The following KCNT2 variants were observed in gnomAD, a reference collection of about 807,000 sequenced individuals.
KCNT2 encodes the protein potassium channel subfamily T member 2.
In KCNT2, 67 loss-of-function variants were observed where a neutral mutation model predicts 153.8. That is an observed-to-expected ratio of 0.44 (90% CI 0.36 to 0.53). The LOEUF is 0.53. Among genes scored for constraint, KCNT2 ranks in the 20% least tolerant of loss-of-function variants. The probability of loss-of-function intolerance (pLI) is 0.00; values close to 1 mark genes in which losing one functional copy is unlikely to be tolerated. For missense variants in KCNT2, 975 were observed against 1,354.8 expected, an observed-to-expected ratio of 0.72 and a Z score of 4.40; for synonymous variants, 500 against 458.8, an observed-to-expected ratio of 1.09 and a Z score of -1.15.
intron 13 of KCNT2, among the ~76,000 whole-genome samples, chr1:196,379,295 G>A (rs113176561): frequency 0.031 from 4,740 of 152,112 alleles, 239 homozygotes; most frequent in African/African-American, 0.11. Context: ...ATGTGGCAGG[G>A]TGTGGTGGTT....
chr1:196,393,841 C>T (rs1369959126), intron 13 of KCNT2, among the ~76,000 whole-genome samples: 1 of 151,408 alleles, frequency 6.6e-6, no homozygotes, highest in Non-Finnish European at 1.5e-5. Context: ...CCTAGAGAAG[C>T]TTTACTAGAA....
At chr1:196,366,759 T>C (rs978437977) in intron 14 of KCNT2, among the ~76,000 whole-genome samples, 13 of 152,148 alleles carry the variant, frequency 8.5e-5, no homozygotes, top group African/African-American at 3.1e-4. Flanking sequence ...TTATTTTGTC[T>C]CTCCAATTAG....
chr1:196,312,804 A>G (rs1376371112), intron 21 of KCNT2, among the ~76,000 whole-genome samples: 1 of 151,766 alleles, frequency 6.6e-6, no homozygotes, highest in African/African-American at 2.4e-5. Context: ...TAATTAATGT[A>G]TAAGAATTTA....
intron 13 of KCNT2, among the ~76,000 whole-genome samples, chr1:196,396,090 T>C (rs1259703705): frequency 6.6e-6 from 1 of 151,648 alleles, no homozygotes; most frequent in Non-Finnish European, 1.5e-5. Context: ...TCTGCATGAT[T>C]CCTTGGGTTG....
In KCNT2 at chr1:196,326,897, A is replaced by G; in HGVS notation, c.2104-8T>C. 6.6e-7 allele frequency: 1 copy of G among 1,523,382 alleles called. No individual in the cohort carries two copies. Among genetic ancestry groups the G allele is most frequent in the Non-Finnish European group, 8.8e-7 (1 of 1,136,312 alleles). 94.4% of individuals were successfully genotyped at this position (1,523,382 alleles called of 1,614,324 possible). A position where few individuals can be genotyped will look rare whatever the true frequency, so the allele number is the denominator to read the frequency against. ...GTAGTTATGTTGGCAACTCTAGAGAAGAGAAAGTATACATTGAAATGCCAT... is the reference window on the plus strand; with the variant it reads ...GTAGTTATGTTGGCAACTCTAGAGAGGAGAAAGTATACATTGAAATGCCAT... On this transcript the variant is annotated splice_polypyrimidine_tract_variant and splice_region_variant and intron_variant, in intron 18 of 27. Transcript: ENST00000294725.
At chr1:196,484,231 G>T (rs1171874027) in intron 3 of KCNT2, among the ~76,000 whole-genome samples, 1 of 151,948 alleles carries the variant, frequency 6.6e-6, no homozygotes, top group African/African-American at 2.4e-5. Flanking sequence ...GGCATGAGAT[G>T]GTATCTCACT....
chr1:196,297,921 A>G (rs1386236032), intron 22 of KCNT2, among the ~76,000 whole-genome samples: 6 of 152,214 alleles, frequency 3.9e-5, no homozygotes, highest in African/African-American at 1.4e-4. Context: ...CCTAGAATTC[A>G]GCAAGGCATT....
chr1:196,309,600 A>G (rs1004526015), intron 21 of KCNT2, among the ~76,000 whole-genome samples: 1 of 151,914 alleles, frequency 6.6e-6, no homozygotes, highest in Non-Finnish European at 1.5e-5. Context: ...CCTAGTGAAA[A>G]ATCTAGAACT....
chr1:196,418,276 G>C (rs996857579), intron 12 of KCNT2, among the ~76,000 whole-genome samples: 2 of 151,964 alleles, frequency 1.3e-5, no homozygotes, highest in African/African-American at 4.8e-5. Context: ...GGAAGTTCAA[G>C]ACCAGCCTGA....
At chr1:196,433,433 C>A (rs952017488) in intron 8 of KCNT2, among the ~76,000 whole-genome samples, 1 of 152,094 alleles carries the variant, frequency 6.6e-6, no homozygotes, top group East Asian at 1.9e-4. Flanking sequence ...GAAGAGCCAG[C>A]AAATTAGTGG....
At chr1:196,230,536 T>C (rs1387360025) in intron 27 of KCNT2, among the ~76,000 whole-genome samples, 3 of 151,976 alleles carry the variant, frequency 2.0e-5, no homozygotes, top group Admixed American at 2.0e-4. Context: ...GTAATTTCAA[T>C]GTTCATGATT....
At chr1:196,458,851 C>A (rs886657585) in intron 8 of KCNT2, among the ~76,000 whole-genome samples, 4 of 151,906 alleles carry the variant, frequency 2.6e-5, no homozygotes, top group Non-Finnish European at 4.4e-5. Context: ...AATCTCATTG[C>A]TGTGCACAGT....
intron 23 of KCNT2, among the ~76,000 whole-genome samples, chr1:196,284,252 T>A (rs868629841): frequency 0.089 from 1,604 of 17,950 alleles, 97 homozygotes; most frequent in African/African-American, 0.11. Flanking sequence ...AAAAAAAATA[T>A]ATATATATAT....
chr1:196,246,067 C>T (rs1257526039), intron 26 of KCNT2, among the ~76,000 whole-genome samples: 4 of 151,822 alleles, frequency 2.6e-5, no homozygotes, highest in Non-Finnish European at 4.4e-5. Context: ...TGCAAAAGAT[C>T]GAGAATAAAG....
intron 8 of KCNT2, among the ~76,000 whole-genome samples, chr1:196,435,120 C>A (rs1343849356): frequency 1.3e-5 from 1 of 77,492 alleles, no homozygotes; most frequent in Non-Finnish European, 2.6e-5. Context: ...GCAATAGATA[C>A]TTATGTGTGT....
At chr1:196,266,221 G>A (rs564157) in intron 25 of KCNT2, among the ~76,000 whole-genome samples, 1 of 151,956 alleles carries the variant, frequency 6.6e-6, no homozygotes, top group Non-Finnish European at 1.5e-5. Context: ...TTCCTGAGAC[G>A]CACCCATTGG....
intron 8 of KCNT2, among the ~76,000 whole-genome samples, chr1:196,457,073 C>T (rs1037894939): frequency 2.0e-5 from 3 of 151,922 alleles, no homozygotes; most frequent in Admixed American, 1.3e-4. Flanking sequence ...TACACCCAAA[C>T]TTTGTATTCC....
intron 8 of KCNT2, among the ~76,000 whole-genome samples, chr1:196,454,506 T>C (rs549526505): frequency 7.2e-5 from 11 of 152,112 alleles, no homozygotes; most frequent in African/African-American, 2.6e-4. Flanking sequence ...CTTAGGATGA[T>C]GGCCTTCAGC....
intron 14 of KCNT2, among the ~76,000 whole-genome samples, chr1:196,369,842 G>T (rs1179394814): frequency 6.6e-6 from 1 of 152,090 alleles, no homozygotes; most frequent in Admixed American, 6.6e-5. Context: ...TATATACCCA[G>T]TAATGGGATG....
Sources: gnomAD v4.1 joint callset for allele counts (sites outside exome capture counted in the v4.1 genomes callset) on GRCh38, gnomAD v4.1.1 for gene constraint, MANE v1.5 for transcripts, NCBI Gene and HGNC (gene_info 2026-07-23, HGNC 2026-07-21) for gene names.